WDPCP: variants seen among roughly 807,000 people sequenced by gnomAD.
WDPCP encodes WD repeat-containing and planar cell polarity effector protein fritz homolog.
Under a neutral mutation model 93.1 loss-of-function variants are expected in WDPCP, and 71 were observed. The ratio of observed to expected loss-of-function variants is 0.76; its 90% CI spans 0.63 to 0.93. The LOEUF (loss-of-function observed/expected upper bound fraction) is 0.93. Among genes scored for constraint, WDPCP ranks in the 40% least tolerant of loss-of-function variants. WDPCP has a pLI of 0.00. For missense variants in WDPCP, 844 were observed against 887.4 expected (o/e 0.95, Z 0.62); for synonymous variants, 315 against 315.0 (o/e 1.00, Z 0.00).
intron 1 of WDPCP, among the ~76,000 whole-genome samples, chr2:63,581,688 AG>A (rs1332921462): frequency 6.6e-6 from 1 of 152,216 alleles, no homozygotes; most frequent in Admixed American, 6.5e-5. Context: ...CACAGAATAA[AG>A]CTCAAAGTTA....
chr2:63,768,157 G>T (rs1670173151), intron 2 of WDPCP, among the ~76,000 whole-genome samples: 1 of 151,978 alleles, frequency 6.6e-6, no homozygotes, highest in Admixed American at 6.6e-5. Context: ...CATTGTTCTA[G>T]TACCTTTTGT....
chr2:63,786,251 A>G (rs1670466159), intron 2 of WDPCP, among the ~76,000 whole-genome samples: 1 of 152,038 alleles, frequency 6.6e-6, no homozygotes, highest in South Asian at 2.1e-4. Flanking sequence ...GGCTCAAGCA[A>G]TCCTCCTGGC....
At chr2:63,188,505 G>T (rs921451814) in intron 14 of WDPCP, among the ~76,000 whole-genome samples, 5 of 146,490 alleles carry the variant, frequency 3.4e-5, no homozygotes, top group African/African-American at 1.3e-4. Context: ...GTTTATTTTT[G>T]TTTTTTTTTC....
intron 12 of WDPCP, among the ~76,000 whole-genome samples, chr2:63,346,994 A>G (rs1432705839): frequency 6.6e-6 from 1 of 152,200 alleles, no homozygotes; most frequent in Non-Finnish European, 1.5e-5. Context: ...CAAGAGGGTC[A>G]GTCTGTTTCC....
rs1270553538 is a variant in WDPCP at position 63,723,126 on chromosome 2, T to G, written n.309-72288A>C. ...GTCATCACCACTCCCTAATCTCAAG[T>G]ACCCAGGGACACAAACACTGCGGAA... On this transcript the variant is annotated intron_variant and non_coding_transcript_variant, in intron 2 of 4. Transcript: ENST00000467687. Among the ~76,000 whole-genome samples, 55 of 151,958 alleles carry G rather than the reference T, an allele frequency of 3.6e-4. 1 individual carries two copies. Among genetic ancestry groups the G allele is most frequent in the East Asian group, 7.8e-4 (4 of 5,154 alleles).
At chr2:63,339,099 G>A (rs928660540) in intron 12 of WDPCP, among the ~76,000 whole-genome samples, 2 of 151,844 alleles carry the variant, frequency 1.3e-5, no homozygotes, top group Middle Eastern at 3.4e-3. Flanking sequence ...CACTTCTTTG[G>A]TTATATTGAC....
intron 2 of WDPCP, among the ~76,000 whole-genome samples, chr2:63,786,067 T>C (rs1032087655): frequency 1.3e-5 from 2 of 152,168 alleles, no homozygotes; most frequent in African/African-American, 4.8e-5. Flanking sequence ...TGAGACAGGG[T>C]CTCTCTCTGT....
chr2:63,130,078 G>A (rs931611042), intron 17 of WDPCP, among the ~76,000 whole-genome samples: 5 of 152,116 alleles, frequency 3.3e-5, no homozygotes, highest in Non-Finnish European at 5.9e-5. Context: ...TTACTCTGTT[G>A]ATAGTATCCT....
intron 11 of WDPCP, among the ~76,000 whole-genome samples, chr2:63,381,180 A>C (rs1383088640): frequency 6.6e-6 from 1 of 152,166 alleles, no homozygotes; most frequent in African/African-American, 2.4e-5. Context: ...CATTAAGTAA[A>C]TAACTTATAA....
Position 63,381,900 on chromosome 2 carries a change from T to C in WDPCP, c.1624+6A>G, listed in dbSNP as rs370961530. On this transcript the variant is annotated splice_donor_region_variant and intron_variant, in intron 11 of 17. Transcript: ENST00000272321. ...ACTCATCAATGAAAAATATTTCAAG[T>C]CTGACCTTCTCTCTCTGGAGTGAGC... The C allele has an allele frequency of 4.0e-5, 64 of 1,612,752 alleles. No individual in the cohort carries two copies. The highest frequency in any genetic ancestry group is 4.7e-5 in the Non-Finnish European group (55 of 1,179,264).
At chr2:63,130,635 T>C (rs1003079443) in intron 17 of WDPCP, among the ~76,000 whole-genome samples, 1 of 152,098 alleles carries the variant, frequency 6.6e-6, no homozygotes, top group African/African-American at 2.4e-5. Flanking sequence ...GTATTTTTTT[T>C]TTCTATTTCT....
intron 6 of WDPCP, among the ~76,000 whole-genome samples, chr2:63,462,013 G>A (rs934255442): frequency 6.6e-6 from 1 of 152,186 alleles, no homozygotes; most frequent in African/African-American, 2.4e-5. Flanking sequence ...TATATCCAAA[G>A]GATTATAAAT....
intron 1 of WDPCP, among the ~76,000 whole-genome samples, chr2:63,570,505 A>C (rs973360429): frequency 1.3e-5 from 2 of 152,198 alleles, no homozygotes; most frequent in African/African-American, 4.8e-5. Flanking sequence ...AGAGCAAAGG[A>C]AGGGCTAAGT....
intron 2 of WDPCP, among the ~76,000 whole-genome samples, chr2:63,750,605 T>C (rs556558988): frequency 6.6e-4 from 100 of 152,254 alleles, no homozygotes; most frequent in African/African-American, 2.2e-3. Flanking sequence ...AAGCATTCAA[T>C]GTATGTTCAT....
At chr2:63,424,082 G>A (rs1430493209) in intron 9 of WDPCP, among the ~76,000 whole-genome samples, 2 of 151,830 alleles carry the variant, frequency 1.3e-5, no homozygotes, top group African/African-American at 4.9e-5. Flanking sequence ...GAAGGGGTGA[G>A]TGAAGTGATG....
At chr2:63,410,650 C>T (rs2105259388) in intron 9 of WDPCP, among the ~76,000 whole-genome samples, 1 of 152,244 alleles carries the variant, frequency 6.6e-6, no homozygotes, top group South Asian at 2.1e-4. Context: ...AGGAGACTCA[C>T]TTAACACATA....
intron 15 of WDPCP, among the ~76,000 whole-genome samples, chr2:63,164,365 C>A (rs1672821094): frequency 1.3e-5 from 2 of 152,162 alleles, no homozygotes; most frequent in East Asian, 1.9e-4. Context: ...GTGATTGGAT[C>A]GTGGGAGTGG....
At chr2:63,501,652 T>C (rs918974546) in intron 1 of WDPCP, among the ~76,000 whole-genome samples, 1 of 152,210 alleles carries the variant, frequency 6.6e-6, no homozygotes, top group African/African-American at 2.4e-5. Context: ...GTTTCACTCT[T>C]GTCAGCCAGG....
chr2:63,529,694 T>A (rs1165961596), intron 1 of WDPCP, among the ~76,000 whole-genome samples: 1 of 152,208 alleles, frequency 6.6e-6, no homozygotes, highest in Non-Finnish European at 1.5e-5. Flanking sequence ...GTTGTGTCTC[T>A]GCCAGGCTTT....
Sources: gnomAD v4.1 joint callset for allele counts (sites outside exome capture counted in the v4.1 genomes callset) on GRCh38, gnomAD v4.1.1 for gene constraint, MANE v1.5 for transcripts, NCBI Gene and HGNC (gene_info 2026-07-23, HGNC 2026-07-21) for gene names.